The following PIP4K2A variants were observed in gnomAD, a reference collection of about 807,000 sequenced individuals.
The protein encoded by PIP4K2A is phosphatidylinositol-5-phosphate 4-kinase type 2 alpha.
Under a neutral mutation model 42.9 loss-of-function variants are expected in PIP4K2A, and 14 were observed. The ratio of observed to expected loss-of-function variants is 0.33; its 90% CI spans 0.22 to 0.51. The LOEUF (loss-of-function observed/expected upper bound fraction) is 0.51, where lower values mean the gene tolerates loss of function less well. PIP4K2A is among the 20% of genes least tolerant of loss of function. The pLI, the probability that PIP4K2A is intolerant of heterozygous loss-of-function variation, is 0.97. For synonymous variants in PIP4K2A, 192 were observed against 192.2 expected, an observed-to-expected ratio of 1.00 and a Z score of 0.01; for missense variants, 434 against 519.8, an observed-to-expected ratio of 0.83 and a Z score of 1.61.
intron 7 of PIP4K2A, 28 bp from the exon 8 acceptor site, chr10:22,542,075 A>C: frequency 5.1e-6 from 8 of 1,575,234 alleles, no homozygotes; most frequent in Non-Finnish European, 6.9e-6. Flanking sequence ...AGGGTGAGTC[A>C]GCCACACCTT....
chr10:22,623,298 C>G (rs534979529), intron 1 of PIP4K2A, among the ~76,000 whole-genome samples: 1 of 151,674 alleles, frequency 6.6e-6, no homozygotes, highest in African/African-American at 2.4e-5. Flanking sequence ...GGTGAGCTTC[C>G]GTACTGTTTA....
chr10:22,670,295 C>A (rs1839425063), intron 1 of PIP4K2A, among the ~76,000 whole-genome samples: 1 of 152,098 alleles, frequency 6.6e-6, no homozygotes, highest in Non-Finnish European at 1.5e-5. Flanking sequence ...GGGAGGATCG[C>A]TTGAGCCCAG....
At chr10:22,572,343 C>T (rs1056196095) in intron 5 of PIP4K2A, among the ~76,000 whole-genome samples, 11 of 152,176 alleles carry the variant, frequency 7.2e-5, no homozygotes, top group African/African-American at 2.4e-4. Context: ...CAGCCAGCCG[C>T]GGTGGTTCAT....
At position 22,573,323 on chromosome 10, in the gene PIP4K2A, T is replaced by C. The variant is rs751024410; in HGVS notation, c.627A>G (p.Lys209=). The C allele has an allele frequency of 3.7e-6, 6 of 1,613,246 alleles. No individual in the cohort carries two copies. The highest frequency in any genetic ancestry group is 8.5e-7 in the Non-Finnish European group (1 of 1,179,610). The change falls in exon 5 of 10, where the codon AAA becomes AAG. Residue 209 remains lysine (K), a synonymous_variant. Transcript: ENST00000376573. ...VFSHRLSVYR[K]YDLKGSTVAR... ...AAATCAGTCTCACCTTTAAGTCGTA[T>C]TTCCTATACACAGACAAACGGTGGC...
At chr10:22,609,463 T>G (rs1837983296) in intron 2 of PIP4K2A, among the ~76,000 whole-genome samples, 157 bp downstream of exon 2, 1 of 152,218 alleles carries the variant, frequency 6.6e-6, no homozygotes, top group Admixed American at 6.5e-5. Flanking sequence ...TGCTGTTGCT[T>G]CTCTAAAAAT....
intron 6 of PIP4K2A, among the ~76,000 whole-genome samples, chr10:22,565,513 C>T (rs572264934): frequency 6.6e-6 from 1 of 152,206 alleles, no homozygotes; most frequent in Non-Finnish European, 1.5e-5. Flanking sequence ...CCTGTCTTTA[C>T]TTTAATCTCT....
At chr10:22,546,582 T>C (rs557348928) in intron 7 of PIP4K2A, among the ~76,000 whole-genome samples, 1 of 152,212 alleles carries the variant, frequency 6.6e-6, no homozygotes, top group African/African-American at 2.4e-5. Context: ...TGGCTAATTT[T>C]TAAAACTTTG....
chr10:22,579,172 T>G (rs1399862131), intron 4 of PIP4K2A, among the ~76,000 whole-genome samples: 1 of 151,974 alleles, frequency 6.6e-6, no homozygotes, highest in Non-Finnish European at 1.5e-5. Context: ...GGCAGTCACA[T>G]GGTTAACTTG....
chr10:22,615,592 T>C (rs1365679050), intron 1 of PIP4K2A, among the ~76,000 whole-genome samples: 2 of 152,246 alleles, frequency 1.3e-5, no homozygotes, highest in African/African-American at 2.4e-5. Flanking sequence ...AAACAGTTTT[T>C]AATTCATGAA....
intron 1 of PIP4K2A, among the ~76,000 whole-genome samples, chr10:22,623,129 C>T (rs1055785168): frequency 7.3e-5 from 11 of 151,370 alleles, no homozygotes; most frequent in African/African-American, 2.7e-4. Flanking sequence ...GTGAGAAAAG[C>T]GAGATAGAGA....
At chr10:22,575,017 C>T (rs561062288) in intron 4 of PIP4K2A, among the ~76,000 whole-genome samples, 8 of 152,162 alleles carry the variant, frequency 5.3e-5, no homozygotes, top group South Asian at 2.1e-4. Flanking sequence ...TGTGTCCTGG[C>T]GCCTCCATTT....
chr10:22,619,287 A>C lies in PIP4K2A; in HGVS notation c.145-9570T>G, dbSNP rs190901015. ...AGCAATTTGAAAGTTCTGAGGTTTC[A>C]GAGGGACAGGCAGGGCAAATTAGAA... On this transcript the variant is annotated intron_variant, in intron 1 of 9. Coordinates refer to ENST00000376573, the MANE Select transcript of PIP4K2A (RefSeq NM_005028.5). 1.4e-4 allele frequency among the ~76,000 whole-genome samples: 21 copies of C among 152,330 alleles called. No individual in the cohort carries two copies. In the East Asian group the frequency reaches 4.0e-3, roughly 29 times the overall value.
intron 1 of PIP4K2A, among the ~76,000 whole-genome samples, chr10:22,645,419 A>T (rs1011406624): frequency 2.0e-4 from 31 of 151,964 alleles, no homozygotes; most frequent in Non-Finnish European, 4.0e-4. Flanking sequence ...TGGTGGCAGG[A>T]CCTGTAGTCC....
At chr10:22,547,719 G>T (rs1836292242) in intron 7 of PIP4K2A, among the ~76,000 whole-genome samples, 1 of 152,190 alleles carries the variant, frequency 6.6e-6, no homozygotes, top group Admixed American at 6.5e-5. Context: ...AGAGACCAGG[G>T]TTGATTCTTC....
intron 1 of PIP4K2A, among the ~76,000 whole-genome samples, chr10:22,652,549 A>G (rs1383476021): frequency 6.6e-6 from 1 of 152,200 alleles, no homozygotes; most frequent in African/African-American, 2.4e-5. Context: ...TAAATCTAAG[A>G]CATAACTGAA....
At chr10:22,640,472 C>A (rs1356662567) in intron 1 of PIP4K2A, among the ~76,000 whole-genome samples, 1 of 152,174 alleles carries the variant, frequency 6.6e-6, no homozygotes, top group African/African-American at 2.4e-5. Context: ...ATGAAGGGGT[C>A]TAAGGACAGC....
intron 1 of PIP4K2A, 46 bp downstream of exon 1, chr10:22,714,128 CGAGGAGGAA>C: frequency 6.6e-7 from 1 of 1,522,726 alleles, no homozygotes; most frequent in South Asian, 1.2e-5. Context: ...AGGAGGGGAA[CGAGGAGGAA>C]GAGGAGGAGG....
At chr10:22,701,979 C>G (rs1833723462) in intron 1 of PIP4K2A, among the ~76,000 whole-genome samples, 2 of 152,308 alleles carry the variant, frequency 1.3e-5, no homozygotes, top group South Asian at 4.1e-4. Context: ...TAAAACCATG[C>G]CACCCCAGGG....
At chr10:22,544,560 GC>G (rs1836213535) in intron 7 of PIP4K2A, among the ~76,000 whole-genome samples, 1 of 152,146 alleles carries the variant, frequency 6.6e-6, no homozygotes, top group Non-Finnish European at 1.5e-5. Context: ...CAGGGAAAAG[GC>G]CCCCCTTCTG....
Sources: gnomAD v4.1 joint callset for allele counts (sites outside exome capture counted in the v4.1 genomes callset) on GRCh38, gnomAD v4.1.1 for gene constraint, MANE v1.5 for transcripts, NCBI Gene and HGNC (gene_info 2026-07-23, HGNC 2026-07-21) for gene names.